TENT2: variants seen among roughly 807,000 people sequenced by gnomAD.
TENT2 encodes the protein terminal nucleotidyltransferase 2.
TENT2 carries 44 observed loss-of-function variants against 72.2 expected under a neutral mutation model. The ratio of observed to expected loss-of-function variants is 0.61; its 90% CI spans 0.48 to 0.78. The LOEUF (loss-of-function observed/expected upper bound fraction) is 0.78. Ranked by LOEUF, TENT2 falls within the 30% of genes least tolerant of loss-of-function variation. The pLI is 0.00. For missense variants in TENT2, 541 were observed against 569.6 expected, an observed-to-expected ratio of 0.95 and a Z score of 0.51; for synonymous variants, 212 against 192.5, an observed-to-expected ratio of 1.10 and a Z score of -0.84.
chr5:79,617,721 C>T (rs1761440965), intron 1 of TENT2: 1 of 152,144 alleles, frequency 6.6e-6, no homozygotes, highest in South Asian at 2.1e-4. Context: ...ATTGATAGTA[C>T]AGCTAGGTAT....
intron 11 of TENT2, among the ~76,000 whole-genome samples, chr5:79,659,586 ATATAT>A: frequency 7.7e-6 from 1 of 130,068 alleles, no homozygotes; most frequent in Admixed American, 8.0e-5. Context: ...ATATATATAT[ATATAT>A]ATAATAGCCA....
intron 14 of TENT2, among the ~76,000 whole-genome samples, chr5:79,683,340 C>T (rs188016363): frequency 1.3e-5 from 2 of 150,650 alleles, no homozygotes. Context: ...CACACACACA[C>T]ACCCCACCTC....
At position 79,619,429 on chromosome 5, in the gene TENT2, A is replaced by G. The variant is rs924843713; in HGVS notation, c.-37-183A>G. 3.3e-5 allele frequency among the ~76,000 whole-genome samples: 5 copies of G among 152,294 alleles called. No homozygotes were observed. The South Asian group carries it at 6.2e-4, about 19-fold the overall frequency. On this transcript the variant is annotated intron_variant, in intron 1 of 14. Coordinates refer to ENST00000453514, the MANE Select transcript of TENT2 (RefSeq NM_001114394.3). ...GCTGTTTGAATTATGTTAATCTTAG[A>G]TTTGGAATTTATTATTAGTTTTCTT...
At chr5:79,631,112 G>A (rs1775117219) in intron 4 of TENT2, among the ~76,000 whole-genome samples, 1 of 152,160 alleles carries the variant, frequency 6.6e-6, no homozygotes, top group African/African-American at 2.4e-5. Flanking sequence ...TTGGTGTGGA[G>A]GGGCTGTCCT....
Position 79,685,337 on chromosome 5 carries a change from TTA to T in TENT2, c.*66_*67del. 8.3e-7 allele frequency: 1 copy of T among 1,211,752 alleles called. No homozygotes were observed. Among genetic ancestry groups the T allele is most frequent in the Non-Finnish European group, 1.2e-6 (1 of 861,486 alleles). 75.1% of individuals were successfully genotyped at this position (1,211,752 alleles called of 1,614,324 possible). A position where few individuals can be genotyped will look rare whatever the true frequency, so the allele number is the denominator to read the frequency against. On this transcript the variant is annotated 3_prime_UTR_variant, in exon 15 of 15. Transcript: ENST00000453514. ...AGAACAATAGTTTCATCATAATACA[TTA>T]TGTTTACCTCCATCATAGTTGCTTT...
At chr5:79,658,724 A>G (rs1366433194) in intron 11 of TENT2, among the ~76,000 whole-genome samples, 3 of 152,204 alleles carry the variant, frequency 2.0e-5, no homozygotes, top group Non-Finnish European at 4.4e-5. Flanking sequence ...ACCCTATGCT[A>G]CATGAAGCTC....
intron 1 of TENT2, among the ~76,000 whole-genome samples, chr5:79,618,910 G>T (rs1389457181): frequency 6.6e-6 from 1 of 151,944 alleles, no homozygotes; most frequent in Non-Finnish European, 1.5e-5. Context: ...TGGGCTGAGG[G>T]GTCCTATTTT....
At chr5:79,676,838 A>C (rs1363065578) in intron 12 of TENT2, among the ~76,000 whole-genome samples, 5 of 152,326 alleles carry the variant, frequency 3.3e-5, no homozygotes, top group South Asian at 4.1e-4. Flanking sequence ...TGACGATAAC[A>C]ATTTTTACAT....
chr5:79,641,360 A>G (rs1784280801), intron 6 of TENT2, among the ~76,000 whole-genome samples, 164 bp downstream of exon 6: 1 of 151,410 alleles, frequency 6.6e-6, no homozygotes, highest in East Asian at 1.9e-4. Context: ...TTTTTAAGGC[A>G]TGTGCACAAT....
chr5:79,645,062 G>A (rs563587586), intron 7 of TENT2, 61 bp from the exon 8 acceptor site: 31 of 1,362,912 alleles, frequency 2.3e-5, no homozygotes, highest in African/African-American at 1.3e-4. Flanking sequence ...AAAAATGTGC[G>A]TTGGAACACT....
intron 11 of TENT2, among the ~76,000 whole-genome samples, chr5:79,658,335 T>C (rs1799391102): frequency 6.6e-6 from 1 of 151,794 alleles, no homozygotes; most frequent in Non-Finnish European, 1.5e-5. Context: ...TTGGCCTTAT[T>C]CTTTTGAATC....
chr5:79,622,003 TAAAA>T (rs1385265134), intron 3 of TENT2, among the ~76,000 whole-genome samples: 1 of 151,648 alleles, frequency 6.6e-6, no homozygotes, highest in Non-Finnish European at 1.5e-5. Context: ...AAAGGAGTGT[TAAAA>T]AACCTTCTAT....
At chr5:79,668,667 A>T in intron 11 of TENT2, 1 of 450,834 alleles carries the variant, frequency 2.2e-6, no homozygotes, top group Non-Finnish European at 3.9e-6. Context: ...TAACTGAGTG[A>T]TATACTCAAG....
Position 79,686,246 on chromosome 5 carries a change from AT to A in TENT2, c.*974del, listed in dbSNP as rs2151049264. 1 of 152,676 alleles carries A rather than the reference AT, an allele frequency of 6.5e-6. No homozygotes were observed. The highest frequency in any genetic ancestry group is 1.9e-4 in the East Asian group (1 of 5,186). The allele number at this position is 152,676 out of a possible 1,614,324, so 9.5% of individuals were successfully genotyped here. ...CACAAAATGTTTTAGATAAGACACA[AT>A]AAAATTATTATAAATAAAAGCTTAA... On this transcript the variant is annotated 3_prime_UTR_variant, in exon 15 of 15. Transcript: ENST00000453514.
chr5:79,637,980 A>T (rs912650758), intron 4 of TENT2, among the ~76,000 whole-genome samples: 1 of 151,072 alleles, frequency 6.6e-6, no homozygotes, highest in African/African-American at 2.4e-5. Flanking sequence ...TTGTATTTTT[A>T]TTAGAGATGG....
intron 3 of TENT2, among the ~76,000 whole-genome samples, chr5:79,622,657 C>T (rs765237669): frequency 1.3e-5 from 2 of 152,066 alleles, no homozygotes; most frequent in Non-Finnish European, 2.9e-5. Flanking sequence ...CAGCTTATTC[C>T]TCCTACAAAA....
intron 11 of TENT2, among the ~76,000 whole-genome samples, chr5:79,662,110 A>T (rs567477382): frequency 6.6e-6 from 1 of 152,312 alleles, no homozygotes; most frequent in African/African-American, 2.4e-5. Flanking sequence ...ATTCTGTCTC[A>T]AGAAACTACT....
At chr5:79,684,052 A>G (rs1824599221) in intron 14 of TENT2, among the ~76,000 whole-genome samples, 1 of 150,298 alleles carries the variant, frequency 6.7e-6, no homozygotes. Flanking sequence ...TGGTGTTCTT[A>G]TTGATGAGTG....
intron 10 of TENT2, among the ~76,000 whole-genome samples, chr5:79,654,637 A>C (rs1246854692): frequency 6.6e-6 from 1 of 151,522 alleles, no homozygotes; most frequent in Non-Finnish European, 1.5e-5. Flanking sequence ...GGTGGTGCAC[A>C]CTTGTCATCC....
Sources: allele counts gnomAD v4.1 joint callset (sites outside exome capture counted in the v4.1 genomes callset), GRCh38; gene constraint gnomAD v4.1.1; transcripts MANE v1.5; gene names NCBI Gene and HGNC (gene_info 2026-07-23, HGNC 2026-07-21).